EHMT1: variants seen among roughly 807,000 people sequenced by gnomAD.
EHMT1 encodes the protein histone-lysine N-methyltransferase EHMT1.
EHMT1 carries 15 observed loss-of-function variants against 147.2 expected under a neutral mutation model. The ratio of observed to expected loss-of-function variants is 0.10; its 90% CI spans 0.07 to 0.16. EHMT1 has a LOEUF of 0.16. EHMT1 is among the 10% of genes least tolerant of loss of function. EHMT1 has a pLI of 1.00. For missense variants in EHMT1, 1,587 were observed against 1,772.4 expected, an observed-to-expected ratio of 0.90 and a Z score of 1.88; for synonymous variants, 795 against 709.6, an observed-to-expected ratio of 1.12 and a Z score of -1.91.
chr9:137,799,020 C>G lies in EHMT1; in HGVS notation c.2607+106C>G. On this transcript the variant is annotated intron_variant, in intron 17 of 26. Coordinates refer to ENST00000460843, the MANE Select transcript of EHMT1 (RefSeq NM_024757.5). ...CCCCATTCTCCATGGCGTCCCCTCC[C>G]ACGCACAGAGCCAGCTCGGGCCCTC... is the stretch of plus-strand genomic sequence containing the variant. 3 of 964,506 alleles carry G rather than the reference C, an allele frequency of 3.1e-6. No individual in the cohort carries two copies. The South Asian group carries it at 4.0e-5, about 13-fold the overall frequency. 59.7% of individuals were successfully genotyped at this position (964,506 alleles called of 1,614,324 possible). A position where few individuals can be genotyped will look rare whatever the true frequency, so the allele number is the denominator to read the frequency against.
At chr9:137,695,960 G>A (rs1305954443) in intron 1 of EHMT1, among the ~76,000 whole-genome samples, 2 of 152,212 alleles carry the variant, frequency 1.3e-5, no homozygotes, top group Admixed American at 6.5e-5. Context: ...TAGTAGGGAC[G>A]GGGCCACCTT....
chr9:137,671,343 T>C (rs997909512), intron 1 of EHMT1, among the ~76,000 whole-genome samples: 1 of 152,068 alleles, frequency 6.6e-6, no homozygotes, highest in Non-Finnish European at 1.5e-5. Context: ...TGTATTAGCT[T>C]TACAGTAAGA....
chr9:137,656,223 T>C (rs536857937), intron 1 of EHMT1, among the ~76,000 whole-genome samples: 6 of 152,044 alleles, frequency 3.9e-5, no homozygotes, highest in African/African-American at 1.4e-4. Context: ...CTACTAAAAT[T>C]ATAAAAATTA....
intron 1 of EHMT1, among the ~76,000 whole-genome samples, chr9:137,651,281 GTTC>G (rs764191943): frequency 3.3e-5 from 5 of 152,068 alleles, no homozygotes; most frequent in Non-Finnish European, 5.9e-5. Context: ...TTATCCCTTT[GTTC>G]TTTGTTGCTT....
intron 7 of EHMT1, among the ~76,000 whole-genome samples, chr9:137,752,762 G>T (rs577758454): frequency 2.2e-4 from 33 of 152,276 alleles, no homozygotes; most frequent in African/African-American, 5.3e-4. Context: ...GTGCGAGAAG[G>T]AAGGGCTGGA....
In EHMT1 at chr9:137,730,424, C is replaced by T. The variant is rs116250831; in HGVS notation, c.823+1895C>T. Reference sequence around the variant, plus strand: ...TGCTTCACTTTCCTGTCCGTCCACACAGTTATCTGTCCATTTACTTTACAA... The same window carrying T: ...TGCTTCACTTTCCTGTCCGTCCACATAGTTATCTGTCCATTTACTTTACAA... On this transcript the variant is annotated intron_variant, in intron 4 of 26. Coordinates refer to ENST00000460843, the MANE Select transcript of EHMT1 (RefSeq NM_024757.5). 2.1e-3 allele frequency among the ~76,000 whole-genome samples: 313 copies of T among 151,536 alleles called. 1 individual carries two copies. The highest frequency in any genetic ancestry group is 7.1e-3 in the African/African-American group (294 of 41,254).
chr9:137,666,766 G>A (rs1939707096), intron 1 of EHMT1, among the ~76,000 whole-genome samples: 1 of 152,204 alleles, frequency 6.6e-6, no homozygotes, highest in Non-Finnish European at 1.5e-5. Context: ...TCCGTGGAAT[G>A]GTGAGGAGGG....
chr9:137,676,259 G>C (rs11137177), intron 1 of EHMT1: 35,593 of 149,610 alleles, frequency 0.24, 4,707 homozygotes, highest in African/African-American at 0.34. Flanking sequence ...TTAGTAGAGA[G>C]AGGGTTTCAC....
rs568322757 is a variant in EHMT1, at chr9:137,660,651, C to T, written c.21+41602C>T. ...ATCTATGGATCAATTTTGTGTGAATCCACATCTTCACAATATATCTGACTA... is the reference window on the plus strand; with the variant it reads ...ATCTATGGATCAATTTTGTGTGAATTCACATCTTCACAATATATCTGACTA... On this transcript the variant is annotated intron_variant, in intron 1 of 26. Coordinates refer to ENST00000460843, the MANE Select transcript of EHMT1 (RefSeq NM_024757.5). Among the ~76,000 whole-genome samples the T allele has an allele frequency of 5.4e-4, 83 of 152,294 alleles. 1 individual carries two copies. Among genetic ancestry groups the T allele is most frequent in the African/African-American group, 1.9e-3 (81 of 41,558 alleles).
Position 137,813,160 on chromosome 9 carries a change from A to G in EHMT1, c.3022A>G (p.Arg1008Gly). The part of the protein sequence containing the change: ...SAPDRPSPVE[R>G]IVSRDIARGY... ...CCCCGACAGGCCCAGCCCCGTGGAG[A>G]GGATAGTGAGCAGGTGAGCCCAGCC... Residue 1008 changes from arginine (R) to glycine (G), a missense_variant, in exon 20 of 27, where the codon AGG becomes GGG. Arg to Gly is a moderately radical substitution (Grantham distance 125). This residue lies in a region of EHMT1 where 78 missense variants were observed against 68.9 expected (regional missense o/e 1.13). Transcript: ENST00000460843. This position sits in a 1 kb window ranked among gnomAD's most constrained non-coding sequence, Gnocchi z 4.9. 2 of 1,609,938 alleles carry G rather than the reference A, an allele frequency of 1.2e-6. No individual in the cohort carries two copies. Among genetic ancestry groups the G allele is most frequent in the Non-Finnish European group, 1.7e-6 (2 of 1,179,912 alleles).
chr9:137,650,452 A>C (rs1564540830), intron 1 of EHMT1, among the ~76,000 whole-genome samples: 4 of 152,094 alleles, frequency 2.6e-5, no homozygotes, highest in Non-Finnish European at 4.4e-5. Flanking sequence ...AGTGTGAAGT[A>C]GTATCTCATT....
intron 3 of EHMT1, among the ~76,000 whole-genome samples, chr9:137,726,205 G>A (rs1946612314): frequency 6.6e-6 from 1 of 152,114 alleles, no homozygotes; most frequent in Non-Finnish European, 1.5e-5. Flanking sequence ...TGCAGCCATC[G>A]CCACCCTCCG....
At chr9:137,788,075 C>T (rs1952141179) in intron 15 of EHMT1, 1 of 1,364,604 alleles carries the variant, frequency 7.3e-7, no homozygotes, top group African/African-American at 1.4e-5. Flanking sequence ...TCTCCCCCTC[C>T]ACTCTCGTGG....
intron 15 of EHMT1, chr9:137,788,356 C>T: frequency 1.2e-5 from 4 of 346,332 alleles, no homozygotes; most frequent in East Asian, 4.6e-5. Flanking sequence ...GCTCCACCCG[C>T]ACCGCCTTCT....
chr9:137,809,404 TGGC>T (rs916589857), intron 18 of EHMT1, among the ~76,000 whole-genome samples: 3 of 152,180 alleles, frequency 2.0e-5, no homozygotes, highest in Non-Finnish European at 4.4e-5. Flanking sequence ...CCCTGGGATG[TGGC>T]GGCGGCCCTG....
At chr9:137,780,152 T>C (rs946811973) in intron 14 of EHMT1, among the ~76,000 whole-genome samples, 3 of 137,050 alleles carry the variant, frequency 2.2e-5, no homozygotes, top group Admixed American at 7.2e-5. Context: ...GTGATGACGC[T>C]GAGATGTGTG....
At chr9:137,796,934 G>A (rs1290977007) in intron 16 of EHMT1, among the ~76,000 whole-genome samples, 1 of 152,132 alleles carries the variant, frequency 6.6e-6, no homozygotes, top group Non-Finnish European at 1.5e-5. Flanking sequence ...CGCGGGGACT[G>A]CAGGCTGCCT....
At chr9:137,822,196 G>T (rs1198981712) in intron 25 of EHMT1, among the ~76,000 whole-genome samples, 1 of 152,142 alleles carries the variant, frequency 6.6e-6, no homozygotes, top group Non-Finnish European at 1.5e-5. Flanking sequence ...ATTTGCCCAC[G>T]TGGCTACACG....
intron 6 of EHMT1, among the ~76,000 whole-genome samples, chr9:137,751,805 C>G (rs1017040611): frequency 6.6e-6 from 1 of 152,186 alleles, no homozygotes; most frequent in African/African-American, 2.4e-5. Context: ...CCACGTCTGC[C>G]TGGATGTTCA....
Sources: allele counts gnomAD v4.1 joint callset (sites outside exome capture counted in the v4.1 genomes callset), GRCh38; gene constraint gnomAD v4.1.1; regional missense constraint gnomAD v4.1.1; non-coding constraint Gnocchi (gnomAD v3.1); transcripts MANE v1.5; gene names NCBI Gene and HGNC (gene_info 2026-07-23, HGNC 2026-07-21).